Variants in ERC2 observed in about 807,000 individuals in gnomAD.
ERC2 encodes the protein ERC protein 2.
ERC2 carries 42 observed loss-of-function variants against 114.8 expected under a neutral mutation model. The ratio of observed to expected loss-of-function variants is 0.37; its 90% confidence interval spans 0.29 to 0.47. ERC2 has a LOEUF of 0.47. ERC2 is among the 20% of genes least tolerant of loss of function. ERC2 has a pLI of 0.99. For missense variants in ERC2, 939 were observed against 1,150.7 expected (o/e 0.82, Z 2.66); for synonymous variants, 454 against 425.5 (o/e 1.07, Z -0.82).
intron 14 of ERC2, among the ~76,000 whole-genome samples, chr3:55,862,395 GTCATTTGGCACT>G: frequency 6.6e-6 from 1 of 152,188 alleles, no homozygotes; most frequent in Non-Finnish European, 1.5e-5. Context: ...TACAGGTAAG[GTCATTTGGCACT>G]TATACTTCCT....
intron 2 of ERC2, among the ~76,000 whole-genome samples, chr3:56,374,318 C>G (rs957796158): frequency 6.6e-6 from 1 of 152,110 alleles, no homozygotes; most frequent in African/African-American, 2.4e-5. Flanking sequence ...AGGATGGTCT[C>G]GATCTCCTGA....
At chr3:56,412,380 A>C (rs1401171370) in intron 2 of ERC2, among the ~76,000 whole-genome samples, 1 of 152,250 alleles carries the variant, frequency 6.6e-6, no homozygotes, top group African/African-American at 2.4e-5. Flanking sequence ...TGGCAATGCT[A>C]TGAAACTAAT....
intron 3 of ERC2, among the ~76,000 whole-genome samples, chr3:56,220,283 A>C (rs1256621573): frequency 6.6e-6 from 1 of 152,178 alleles, no homozygotes; most frequent in Non-Finnish European, 1.5e-5. Flanking sequence ...ATTTCCCAAA[A>C]GATTTTCCAA....
At chr3:56,055,900 A>G (rs2075992077) in intron 7 of ERC2, among the ~76,000 whole-genome samples, 1 of 152,218 alleles carries the variant, frequency 6.6e-6, no homozygotes, top group Non-Finnish European at 1.5e-5. Context: ...GGGTGGCTCC[A>G]GGTTTCATGG....
chr3:55,568,679 C>T (rs1360022402), intron 17 of ERC2, among the ~76,000 whole-genome samples: 1 of 152,232 alleles, frequency 6.6e-6, no homozygotes, highest in Non-Finnish European at 1.5e-5. Context: ...GCCTTCCTGC[C>T]TTTGCCCCCA....
At chr3:56,202,494 A>C (rs1002690513) in intron 3 of ERC2, among the ~76,000 whole-genome samples, 32 of 141,462 alleles carry the variant, frequency 2.3e-4, no homozygotes, top group African/African-American at 8.0e-4. Context: ...GCATCTCTAA[A>C]CTCAAGCTTT....
chr3:55,769,811 T>G (rs1460398697), intron 14 of ERC2, among the ~76,000 whole-genome samples: 1 of 152,188 alleles, frequency 6.6e-6, no homozygotes. Context: ...AAAATAACTC[T>G]GAAAACAGCT....
At chr3:55,677,260 C>T (rs1488820050) in intron 17 of ERC2, among the ~76,000 whole-genome samples, 3 of 152,184 alleles carry the variant, frequency 2.0e-5, no homozygotes, top group Non-Finnish European at 2.9e-5. Context: ...CTTTCCTTTG[C>T]TATACCCAAG....
At chr3:56,336,627 C>G (rs1019564131) in intron 2 of ERC2, among the ~76,000 whole-genome samples, 1 of 152,032 alleles carries the variant, frequency 6.6e-6, no homozygotes, top group African/African-American at 2.4e-5. Context: ...AACCCCATCT[C>G]TACTAGAAAT....
chr3:55,927,362 ATCCC>A (rs1159330175), intron 13 of ERC2, among the ~76,000 whole-genome samples: 2 of 152,104 alleles, frequency 1.3e-5, no homozygotes, highest in East Asian at 3.9e-4. Flanking sequence ...TTCCCTAAAA[ATCCC>A]TAGGGAATGA....
chr3:55,590,809 T>C (rs1309184502), intron 17 of ERC2, among the ~76,000 whole-genome samples: 2 of 152,204 alleles, frequency 1.3e-5, no homozygotes, highest in East Asian at 1.9e-4. Context: ...AGGACATTAA[T>C]GTCCTCTTTT....
At chr3:55,808,742 TAA>T (rs1553686109) in intron 14 of ERC2, among the ~76,000 whole-genome samples, 87 of 100,376 alleles carry the variant, frequency 8.7e-4, no homozygotes, top group Non-Finnish European at 1.2e-3. Context: ...TATATATATA[TAA>T]CGTATAACTA....
At chr3:55,808,730 TATATATA>T (rs1268305029) in intron 14 of ERC2, among the ~76,000 whole-genome samples, 1 of 115,182 alleles carries the variant, frequency 8.7e-6, no homozygotes, top group Non-Finnish European at 1.8e-5. Flanking sequence ...TATATATATA[TATATATA>T]TATATAACGT....
At chr3:55,722,803 C>T (rs1309602835) in intron 15 of ERC2, among the ~76,000 whole-genome samples, 1 of 152,080 alleles carries the variant, frequency 6.6e-6, no homozygotes, top group Non-Finnish European at 1.5e-5. Flanking sequence ...GGATTCTGCC[C>T]CAAATCTATG....
At chr3:55,919,404 T>A (rs184290141) in intron 13 of ERC2, among the ~76,000 whole-genome samples, 2 of 152,206 alleles carry the variant, frequency 1.3e-5, no homozygotes, top group Admixed American at 1.3e-4. Context: ...AAAAGTATGA[T>A]GCCAATGGAG....
intron 3 of ERC2, among the ~76,000 whole-genome samples, chr3:56,279,128 G>A (rs6762680): frequency 0.63 from 96,081 of 152,042 alleles, 32,278 homozygotes; most frequent in Non-Finnish European, 0.75. Context: ...CTGTAAGTCT[G>A]TAAGTAGTTA....
At chr3:55,576,341 A>ATC (rs1250900245) in intron 17 of ERC2, among the ~76,000 whole-genome samples, 88 of 152,142 alleles carry the variant, frequency 5.8e-4, no homozygotes, top group African/African-American at 2.0e-3. Context: ...CAAAATAAAA[A>ATC]CATTAATGGA....
At chr3:56,223,695 G>A (rs1333695066) in intron 3 of ERC2, among the ~76,000 whole-genome samples, 1 of 152,024 alleles carries the variant, frequency 6.6e-6, no homozygotes, top group Non-Finnish European at 1.5e-5. Context: ...GGCACTCTCT[G>A]TAGTGACTAA....
At chr3:56,190,981 G>A (rs1456324705) in intron 3 of ERC2, among the ~76,000 whole-genome samples, 2 of 152,194 alleles carry the variant, frequency 1.3e-5, no homozygotes, top group African/African-American at 4.8e-5. Flanking sequence ...AATGCAGGAA[G>A]AGCAGGGTGC....
Sources: allele counts gnomAD v4.1 joint callset (sites outside exome capture counted in the v4.1 genomes callset), GRCh38; gene constraint gnomAD v4.1.1; transcripts MANE v1.5; gene names NCBI Gene and HGNC (gene_info 2026-07-23, HGNC 2026-07-21).